The following GRM7 variants were observed in gnomAD, a reference collection of about 807,000 sequenced individuals.
GRM7 encodes glutamate metabotropic receptor 7, also known as metabotropic glutamate receptor 7.
A neutral mutation model predicts 84.5 loss-of-function variants in GRM7; 35 were observed. That is an observed-to-expected ratio of 0.41 (90% confidence interval 0.32 to 0.55). The LOEUF (loss-of-function observed/expected upper bound fraction) is 0.55. GRM7 is among the 20% of genes least tolerant of loss of function. The pLI, the probability that GRM7 is intolerant of heterozygous loss-of-function variation, is 0.19. For missense variants in GRM7, 1,003 were observed against 1,194.6 expected (o/e 0.84, Z 2.36); for synonymous variants, 487 against 455.1 (o/e 1.07, Z -0.89).
At chr3:6,874,295 A>C (rs1358784558) in intron 1 of GRM7, among the ~76,000 whole-genome samples, 12 of 152,190 alleles carry the variant, frequency 7.9e-5, no homozygotes, top group Non-Finnish European at 5.9e-5. Flanking sequence ...CTTTTCTTAA[A>C]TTGCACATGA....
intron 8 of GRM7, among the ~76,000 whole-genome samples, chr3:7,661,627 T>C (rs957615324): frequency 2.6e-5 from 4 of 151,564 alleles, no homozygotes; most frequent in South Asian, 2.1e-4. Flanking sequence ...ACCCCGTCTC[T>C]ACTAAAAATA....
intron 2 of GRM7, among the ~76,000 whole-genome samples, chr3:7,232,244 A>G (rs1480660288): frequency 6.6e-6 from 1 of 151,678 alleles, no homozygotes; most frequent in African/African-American, 2.4e-5. Flanking sequence ...GCTCACTCAG[A>G]TCTTGTAAAA....
At chr3:7,546,568 T>C (rs907406845) in intron 7 of GRM7, among the ~76,000 whole-genome samples, 2 of 152,252 alleles carry the variant, frequency 1.3e-5, no homozygotes, top group Non-Finnish European at 2.9e-5. Context: ...CAAAGCCTTC[T>C]CCTGACCTTG....
chr3:7,380,728 GCAAAGT>G (rs1559281429), intron 4 of GRM7, among the ~76,000 whole-genome samples: 3 of 152,138 alleles, frequency 2.0e-5, no homozygotes, highest in Non-Finnish European at 2.9e-5. Flanking sequence ...CCTGAAGGTA[GCAAAGT>G]TAAAACTCAA....
At chr3:6,953,380 A>G (rs535270617) in intron 1 of GRM7, among the ~76,000 whole-genome samples, 13 of 152,318 alleles carry the variant, frequency 8.5e-5, no homozygotes, top group South Asian at 8.3e-4. Flanking sequence ...TGACAAGCCA[A>G]CATATAGCAA....
chr3:7,002,955 A>T (rs886462652), intron 1 of GRM7, among the ~76,000 whole-genome samples: 6 of 152,214 alleles, frequency 3.9e-5, no homozygotes, highest in African/African-American at 1.4e-4. Flanking sequence ...ATAAACCTAG[A>T]TAATATTGTG....
At chr3:7,447,141 T>A (rs2124882037) in intron 5 of GRM7, among the ~76,000 whole-genome samples, 1 of 152,326 alleles carries the variant, frequency 6.6e-6, no homozygotes, top group African/African-American at 2.4e-5. Context: ...TTCAGAGTTC[T>A]CATTTTATCT....
At chr3:6,993,986 G>T (rs538379441) in intron 1 of GRM7, among the ~76,000 whole-genome samples, 1 of 152,230 alleles carries the variant, frequency 6.6e-6, no homozygotes, top group South Asian at 2.1e-4. Context: ...GATCATAGTT[G>T]CCTAAAAGAG....
At chr3:7,561,130 A>T (rs541694441) in intron 7 of GRM7, among the ~76,000 whole-genome samples, 59 of 152,116 alleles carry the variant, frequency 3.9e-4, no homozygotes, top group Middle Eastern at 3.4e-3. Context: ...CCTCATCACC[A>T]TCTGTGAATC....
intron 7 of GRM7, among the ~76,000 whole-genome samples, chr3:7,517,706 T>A (rs1361112515): frequency 1.3e-5 from 2 of 152,236 alleles, no homozygotes; most frequent in Admixed American, 1.3e-4. Flanking sequence ...TATTATTTTT[T>A]GATACTAGCT....
chr3:7,179,199 C>A (rs1695256150), intron 2 of GRM7, among the ~76,000 whole-genome samples: 1 of 152,200 alleles, frequency 6.6e-6, no homozygotes, highest in South Asian at 2.1e-4. Flanking sequence ...TCTAAAATCT[C>A]TGGAGGTATT....
chr3:6,971,694 A>AT (rs1365868021), intron 1 of GRM7, among the ~76,000 whole-genome samples: 1 of 151,944 alleles, frequency 6.6e-6, no homozygotes, highest in East Asian at 1.9e-4. Flanking sequence ...TTAGCCTCAA[A>AT]TTTTTCCTTT....
At chr3:7,399,924 G>A (rs941167244) in intron 4 of GRM7, among the ~76,000 whole-genome samples, 1 of 152,072 alleles carries the variant, frequency 6.6e-6, no homozygotes, top group Non-Finnish European at 1.5e-5. Flanking sequence ...TATCACTTGC[G>A]CAGCCTCAGG....
chr3:7,138,343 A>C (rs1250952686), intron 1 of GRM7, among the ~76,000 whole-genome samples: 1 of 152,038 alleles, frequency 6.6e-6, no homozygotes, highest in Non-Finnish European at 1.5e-5. Context: ...AAGAAGCTAT[A>C]GATGTGGTAG....
chr3:7,367,109 A>G (rs1693926689), intron 4 of GRM7, among the ~76,000 whole-genome samples: 1 of 151,306 alleles, frequency 6.6e-6, no homozygotes, highest in South Asian at 2.1e-4. Context: ...GTCAATTTTT[A>G]CATCATTTAT....
At chr3:7,417,463 A>G (rs756124670) in intron 5 of GRM7, among the ~76,000 whole-genome samples, 35 of 152,136 alleles carry the variant, frequency 2.3e-4, no homozygotes, top group African/African-American at 8.2e-4. Flanking sequence ...AAATCTTTAC[A>G]TGTAAGTATA....
chr3:7,025,039 T>A (rs1695928071), intron 1 of GRM7, among the ~76,000 whole-genome samples: 1 of 152,210 alleles, frequency 6.6e-6, no homozygotes, highest in Non-Finnish European at 1.5e-5. Flanking sequence ...TTTTCAAGTT[T>A]TAGAGACTGC....
At chr3:6,904,962 T>A (rs918009231) in intron 1 of GRM7, among the ~76,000 whole-genome samples, 2 of 152,096 alleles carry the variant, frequency 1.3e-5, no homozygotes, top group Non-Finnish European at 2.9e-5. Flanking sequence ...GCCTCAATTC[T>A]CCTGTCCCGG....
At chr3:7,119,143 G>A (rs1166030782) in intron 1 of GRM7, among the ~76,000 whole-genome samples, 1 of 152,040 alleles carries the variant, frequency 6.6e-6, no homozygotes, top group Non-Finnish European at 1.5e-5. Flanking sequence ...GCGTGTTTGT[G>A]ACCAATCAGA....
Sources: allele counts gnomAD v4.1 joint callset (sites outside exome capture counted in the v4.1 genomes callset), GRCh38; gene constraint gnomAD v4.1.1; transcripts MANE v1.5; gene names NCBI Gene and HGNC (gene_info 2026-07-23, HGNC 2026-07-21).